The following APBB2 variants were observed in gnomAD, a reference collection of about 807,000 sequenced individuals.
The protein encoded by APBB2 is amyloid beta precursor protein binding family B member 2.
A neutral mutation model predicts 82.5 loss-of-function variants in APBB2; 38 were observed. The observed-to-expected ratio is 0.46, with a 90% confidence interval of 0.36 to 0.60. The LOEUF (loss-of-function observed/expected upper bound fraction) is 0.60, where lower values mean the gene tolerates loss of function less well. Among genes scored for constraint, APBB2 ranks in the 20% least tolerant of loss-of-function variants. The pLI is 0.00. For missense variants in APBB2, 772 were observed against 972.3 expected (o/e 0.79, Z 2.74); for synonymous variants, 341 against 368.2 (o/e 0.93, Z 0.85).
chr4:41,158,821 G>A (rs553136713), intron 1 of APBB2, among the ~76,000 whole-genome samples: 3 of 152,062 alleles, frequency 2.0e-5, no homozygotes, highest in Non-Finnish European at 2.9e-5. Flanking sequence ...CATCTGTCCC[G>A]TTTCTCAAGG....
At chr4:40,981,606 G>C (rs566491275) in intron 6 of APBB2, among the ~76,000 whole-genome samples, 3 of 152,288 alleles carry the variant, frequency 2.0e-5, no homozygotes, top group African/African-American at 7.2e-5. Flanking sequence ...ACAAAGGTCT[G>C]TGATTAGTTC....
intron 12 of APBB2, among the ~76,000 whole-genome samples, chr4:40,858,980 T>C (rs1364016051): frequency 1.3e-5 from 2 of 152,194 alleles, no homozygotes; most frequent in Admixed American, 6.5e-5. Flanking sequence ...CTCAGAGATA[T>C]GAAACAAGTT....
At chr4:41,131,469 A>G (rs1755950332) in intron 2 of APBB2, among the ~76,000 whole-genome samples, 1 of 152,214 alleles carries the variant, frequency 6.6e-6, no homozygotes, top group Non-Finnish European at 1.5e-5. Flanking sequence ...ACATACATAT[A>G]CATACATAGA....
At chr4:40,821,010 A>T (rs1280629129) in intron 17 of APBB2, among the ~76,000 whole-genome samples, 1 of 152,100 alleles carries the variant, frequency 6.6e-6, no homozygotes, top group Non-Finnish European at 1.5e-5. Flanking sequence ...CTGGGATTAC[A>T]GGGATGCGCC....
At chr4:41,159,499 A>G (rs1167202887) in intron 1 of APBB2, among the ~76,000 whole-genome samples, 4 of 152,246 alleles carry the variant, frequency 2.6e-5, no homozygotes, top group Non-Finnish European at 2.9e-5. Flanking sequence ...GAAAACTGAA[A>G]TGGAAAAAGG....
chr4:40,869,830 T>C (rs987433349), intron 12 of APBB2, among the ~76,000 whole-genome samples: 1 of 152,260 alleles, frequency 6.6e-6, no homozygotes, highest in Non-Finnish European at 1.5e-5. Flanking sequence ...GCTTGTGGTA[T>C]TTATTACTAA....
chr4:41,052,901 T>C (rs1726548838), intron 4 of APBB2, among the ~76,000 whole-genome samples: 1 of 151,924 alleles, frequency 6.6e-6, no homozygotes, highest in African/African-American at 2.4e-5. Flanking sequence ...GTAGCTGGGA[T>C]TACAGGCACC....
intron 3 of APBB2, among the ~76,000 whole-genome samples, chr4:41,067,963 G>A (rs1300776576): frequency 6.6e-6 from 1 of 152,126 alleles, no homozygotes; most frequent in Non-Finnish European, 1.5e-5. Context: ...AGGGGGAAGA[G>A]GTAAAGATGG....
intron 6 of APBB2, among the ~76,000 whole-genome samples, chr4:40,972,308 A>G (rs1173320069): frequency 1.3e-5 from 2 of 151,938 alleles, no homozygotes; most frequent in Admixed American, 6.6e-5. Context: ...GGCGCCTGTA[A>G]TCCCAGCTAC....
chr4:40,970,665 T>C (rs1358599130), intron 6 of APBB2, among the ~76,000 whole-genome samples: 1 of 152,126 alleles, frequency 6.6e-6, no homozygotes, highest in Non-Finnish European at 1.5e-5. Context: ...TGAAAATGTA[T>C]GGGAGTGATG....
In APBB2 at chr4:41,102,913, G is replaced by C. The variant is rs182519467; in HGVS notation, c.-260-2163C>G. Reference sequence around the variant, plus strand: ...TAATGTGTCACTGATAGTTTTTTGAGTATTGTGTCCCCAACTGCATTCCTC... The same window carrying C: ...TAATGTGTCACTGATAGTTTTTTGACTATTGTGTCCCCAACTGCATTCCTC... On this transcript the variant is annotated intron_variant, in intron 2 of 17. Transcript: ENST00000508593. Among the ~76,000 whole-genome samples the C allele has an allele frequency of 3.8e-3, 571 of 152,266 alleles. 2 individuals carry two copies. The highest frequency in any genetic ancestry group is 6.1e-3 in the Non-Finnish European group (417 of 68,024).
chr4:40,935,370 T>C lies in APBB2; in HGVS notation c.1045-231A>G, dbSNP rs1039431244. 4.1e-5 allele frequency: 20 copies of C among 493,806 alleles called. No homozygotes were observed. In the East Asian group the frequency reaches 4.9e-4, roughly 12 times the overall value. The allele number at this position is 493,806 out of a possible 1,614,324, so 30.6% of individuals were successfully genotyped here. On this transcript the variant is annotated intron_variant, in intron 7 of 17. Coordinates refer to ENST00000508593, the MANE Select transcript of APBB2 (RefSeq NM_004307.2). ...GTGCTTTAATTACTTACCAAATAAA[T>C]GACTAAACATTATTAGAAGCAGACA...
rs1745380384 is a variant in APBB2, at chr4:40,815,564, CA to C, written c.*527del. On this transcript the variant is annotated 3_prime_UTR_variant, in exon 18 of 18. Transcript: ENST00000508593. ...TACTGATGCCAACAGCCAATTTTGT[CA>C]ACCAACAGGTTCAATTTTATGAAAA... The C allele has an allele frequency of 6.5e-6, 1 of 153,340 alleles. No homozygotes were observed. The highest frequency in any genetic ancestry group is 2.4e-5 in the African/African-American group (1 of 41,466). 9.5% of individuals were successfully genotyped at this position (153,340 alleles called of 1,614,324 possible). A position where few individuals can be genotyped will look rare whatever the true frequency, so the allele number is the denominator to read the frequency against.
At chr4:41,194,215 C>G in intron 1 of APBB2, 24,740 of 133,986 alleles carry the variant, frequency 0.18, 2,366 homozygotes, top group African/African-American at 0.41. Flanking sequence ...CCAGTTACTC[C>G]GGGGGCTGAG....
intron 5 of APBB2, among the ~76,000 whole-genome samples, chr4:41,024,736 T>C (rs1713256417): frequency 6.6e-6 from 1 of 152,238 alleles, no homozygotes; most frequent in South Asian, 2.1e-4. Flanking sequence ...GAGTATTCTG[T>C]TTTTATCTAA....
intron 12 of APBB2, among the ~76,000 whole-genome samples, chr4:40,846,776 T>C (rs1757793210): frequency 6.6e-6 from 1 of 152,102 alleles, no homozygotes; most frequent in Admixed American, 6.5e-5. Flanking sequence ...TCTCATGCCA[T>C]TGGAGGGAAG....
intron 12 of APBB2, chr4:40,880,308 C>T (rs550244463): frequency 1.1e-5 from 11 of 985,392 alleles, no homozygotes; most frequent in Admixed American, 6.1e-5. Flanking sequence ...TTCCCAGTGA[C>T]GAACTGTGCT....
intron 1 of APBB2, among the ~76,000 whole-genome samples, chr4:41,154,825 CA>C (rs1180072477): frequency 2.0e-5 from 3 of 152,190 alleles, no homozygotes; most frequent in Non-Finnish European, 2.9e-5. Context: ...CTCTCTCCAA[CA>C]TATGTGCTCA....
intron 6 of APBB2, among the ~76,000 whole-genome samples, chr4:40,970,893 T>C (rs1256400278): frequency 1.3e-5 from 2 of 152,138 alleles, no homozygotes; most frequent in African/African-American, 4.8e-5. Context: ...TCCCAAACAT[T>C]GGAGGGCTTC....
Sources: gnomAD v4.1 joint callset for allele counts (sites outside exome capture counted in the v4.1 genomes callset) on GRCh38, gnomAD v4.1.1 for gene constraint, MANE v1.5 for transcripts, NCBI Gene and HGNC (gene_info 2026-07-23, HGNC 2026-07-21) for gene names.